The following PPP1R8 variants were observed in gnomAD, a reference collection of about 807,000 sequenced individuals.
PPP1R8 encodes nuclear inhibitor of protein phosphatase 1.
PPP1R8 carries 4 observed loss-of-function variants against 31.3 expected under a neutral mutation model. That is an observed-to-expected ratio of 0.13 (90% confidence interval 0.06 to 0.29). The LOEUF (loss-of-function observed/expected upper bound fraction) is 0.29, where lower values mean the gene tolerates loss of function less well. PPP1R8 is among the 10% of genes least tolerant of loss of function. The probability of loss-of-function intolerance (pLI) is 1.00; values close to 1 mark genes in which losing one functional copy is unlikely to be tolerated. For missense variants in PPP1R8, 254 were observed against 440.1 expected (o/e 0.58, Z 3.78); for synonymous variants, 170 against 169.7 (o/e 1.00, Z -0.01).
At chr1:27,843,146 T>G (rs1272373711) in intron 4 of PPP1R8, 40 bp from the exon 5 acceptor site, 1 of 1,612,620 alleles carries the variant, frequency 6.2e-7, no homozygotes, top group Non-Finnish European at 8.5e-7. Flanking sequence ...AGATTCCCTT[T>G]GTACTGACTG....
intron 1 of PPP1R8, chr1:27,831,199 G>C (rs2089100511): frequency 8.7e-7 from 1 of 1,146,092 alleles, no homozygotes; most frequent in Non-Finnish European, 1.1e-6. Flanking sequence ...CCCAACTCTT[G>C]ACTGAGTGCC....
At chr1:27,840,522 C>A (rs1203685375) in intron 3 of PPP1R8, among the ~76,000 whole-genome samples, 1 of 152,182 alleles carries the variant, frequency 6.6e-6, no homozygotes, top group Non-Finnish European at 1.5e-5. Flanking sequence ...AGCATAACTG[C>A]CACCAGGCCA....
At chr1:27,840,893 A>G in intron 3 of PPP1R8, 121 bp from the exon 4 acceptor site, 2 of 997,876 alleles carry the variant, frequency 2.0e-6, no homozygotes, top group Non-Finnish European at 1.5e-6. Flanking sequence ...CAGACAAAAA[A>G]GCAAAACTGA....
chr1:27,845,322 G>A (rs1438886489), intron 5 of PPP1R8, among the ~76,000 whole-genome samples: 5 of 150,752 alleles, frequency 3.3e-5, no homozygotes, highest in Non-Finnish European at 7.4e-5. Context: ...CCCAGGAGGC[G>A]GAGCTTGCAG....
chr1:27,848,213 G>A (rs1046635435), intron 6 of PPP1R8, among the ~76,000 whole-genome samples: 3 of 151,994 alleles, frequency 2.0e-5, no homozygotes, highest in South Asian at 4.2e-4. Flanking sequence ...CCATCCTGGC[G>A]AACACGGTGA....
chr1:27,838,039 G>A (rs184867352), intron 2 of PPP1R8, among the ~76,000 whole-genome samples: 80 of 150,846 alleles, frequency 5.3e-4, no homozygotes, highest in African/African-American at 1.7e-3. Flanking sequence ...GTAAAACCCC[G>A]TCTCTACTAA....
chr1:27,831,134 C>T, intron 1 of PPP1R8: 1 of 1,297,460 alleles, frequency 7.7e-7, no homozygotes, highest in Non-Finnish European at 9.8e-7. Context: ...TAGGCAGCCC[C>T]TTTGAGCGAT....
In PPP1R8 at chr1:27,851,651, A is replaced by G. The variant is rs1328925364; in HGVS notation, c.*1205A>G. 2.1e-6 allele frequency: 1 copy of G among 480,712 alleles called. No homozygotes were observed. The highest frequency in any genetic ancestry group is 1.5e-5 in the South Asian group (1 of 66,226). 29.8% of individuals were successfully genotyped at this position (480,712 alleles called of 1,614,324 possible). ...GCTCCATCCCCATTATATTACAAAT[A>G]AAGATGCCCTAAATGAGTGTGGAAA... On this transcript the variant is annotated 3_prime_UTR_variant, in exon 7 of 7. Transcript: ENST00000311772.
At chr1:27,836,780 C>A (rs116701551) in intron 2 of PPP1R8, among the ~76,000 whole-genome samples, 1 of 152,084 alleles carries the variant, frequency 6.6e-6, no homozygotes, top group East Asian at 1.9e-4. Flanking sequence ...ACCGGTAATC[C>A]CAGCACTTTG....
chr1:27,841,640 T>G (rs2089223910), intron 4 of PPP1R8, among the ~76,000 whole-genome samples: 1 of 152,192 alleles, frequency 6.6e-6, no homozygotes. Context: ...TGTTGGCTAG[T>G]GCAAAGAGAG....
chr1:27,839,294 G>A (rs2089199835), intron 3 of PPP1R8, among the ~76,000 whole-genome samples: 1 of 152,156 alleles, frequency 6.6e-6, no homozygotes, highest in African/African-American at 2.4e-5. Flanking sequence ...TTGGGAGGCC[G>A]AGGTGGGCGA....
intron 6 of PPP1R8, among the ~76,000 whole-genome samples, chr1:27,848,472 T>C (rs996253043): frequency 6.6e-6 from 1 of 152,192 alleles, no homozygotes; most frequent in Non-Finnish European, 1.5e-5. Flanking sequence ...GTTCAGCATG[T>C]GGAAGAACTA....
chr1:27,831,696 G>A (rs1354875331), intron 1 of PPP1R8, among the ~76,000 whole-genome samples: 3 of 152,172 alleles, frequency 2.0e-5, no homozygotes, highest in East Asian at 1.9e-4. Context: ...CACATAGTAG[G>A]AATTCAGAAA....
chr1:27,845,188 A>G (rs79374690), intron 5 of PPP1R8, among the ~76,000 whole-genome samples: 1 of 148,382 alleles, frequency 6.7e-6, no homozygotes, highest in African/African-American at 2.5e-5. Context: ...CAGGAGATCA[A>G]GACCATGCTG....
Position 27,841,227 on chromosome 1 carries a change from A to C in PPP1R8, c.485A>C (p.Glu162Ala). The change falls in exon 4 of 7, where the codon GAG becomes GCG. Residue 162 changes from glutamate (E) to alanine (A), a missense_variant. By Grantham distance (107) the Glu-to-Ala change is moderately radical. Transcript: ENST00000311772. ...GLLGLPEEET[E>A]LDNLTEFNTA... ...CTGGGGCTTCCAGAGGAGGAAACTG[A>C]GCTTGATGTAATTCCCTGTTTATGT... 1 of 1,614,022 alleles carries C rather than the reference A, an allele frequency of 6.2e-7. No homozygotes were observed. The highest frequency in any genetic ancestry group is 1.1e-5 in the South Asian group (1 of 91,052).
chr1:27,838,257 G>A (rs529851049), intron 2 of PPP1R8, among the ~76,000 whole-genome samples: 190 of 151,786 alleles, frequency 1.3e-3, no homozygotes, highest in Admixed American at 4.1e-3. Context: ...GTGCACGCCT[G>A]TAGTCCCAGC....
At position 27,843,272 on chromosome 1, in the gene PPP1R8, G is replaced by A. The variant is rs1260413140; in HGVS notation, c.579G>A (p.Lys193=). 4 of 1,614,184 alleles carry A rather than the reference G, an allele frequency of 2.5e-6. No individual in the cohort carries two copies. The highest frequency in any genetic ancestry group is 2.5e-6 in the Non-Finnish European group (3 of 1,180,020). The change falls in exon 5 of 7, where the codon AAG becomes AAA. Residue 193 remains lysine, a synonymous_variant. Coordinates refer to ENST00000311772, the MANE Select transcript of PPP1R8 (RefSeq NM_014110.5). ...GAAATCTGGACATTCAAAGACCAAA[G>A]AGGAAGAGGAAGAACTCACGGGTGA... The part of the protein sequence containing the change: ...EEGNLDIQRP[K]RKRKNSRVTF...
chr1:27,842,098 C>T (rs1389317544), intron 4 of PPP1R8, among the ~76,000 whole-genome samples: 1 of 152,256 alleles, frequency 6.6e-6, no homozygotes, highest in South Asian at 2.1e-4. Flanking sequence ...CCCAGCACTT[C>T]GGGAGGCCGA....
chr1:27,836,101 A>G (rs958798829), intron 2 of PPP1R8, among the ~76,000 whole-genome samples: 4 of 152,222 alleles, frequency 2.6e-5, no homozygotes, highest in Non-Finnish European at 5.9e-5. Flanking sequence ...CCGGGTACTA[A>G]CTTGACTATA....
Sources: allele counts gnomAD v4.1 joint callset (sites outside exome capture counted in the v4.1 genomes callset), GRCh38; gene constraint gnomAD v4.1.1; transcripts MANE v1.5; gene names NCBI Gene and HGNC (gene_info 2026-07-23, HGNC 2026-07-21).